Variants in EZR observed in about 807,000 individuals in gnomAD.
The protein encoded by EZR is cytovillin 2.
In EZR, 40 loss-of-function variants were observed where a neutral mutation model predicts 74.8. The observed-to-expected ratio is 0.53, with a 90% CI of 0.42 to 0.70. EZR has a LOEUF of 0.70. Ranked by LOEUF, EZR falls within the 30% of genes least tolerant of loss-of-function variation. The pLI is 0.00. For missense variants in EZR, 678 were observed against 755.8 expected (o/e 0.90, Z 1.21); for synonymous variants, 341 against 283.3 (o/e 1.20, Z -2.05).
chr6:158,804,590 A>G (rs1562505123), intron 2 of EZR, among the ~76,000 whole-genome samples: 1 of 152,186 alleles, frequency 6.6e-6, no homozygotes. Flanking sequence ...CACATAAACA[A>G]AAGTAAGGGA....
intron 3 of EZR, among the ~76,000 whole-genome samples, chr6:158,788,061 C>A (rs1791630481): frequency 6.6e-6 from 1 of 152,154 alleles, no homozygotes; most frequent in Non-Finnish European, 1.5e-5. Context: ...AATTTAAAAT[C>A]CCATGATATA....
At chr6:158,806,036 G>GC (rs1478229239) in intron 2 of EZR, among the ~76,000 whole-genome samples, 1 of 152,186 alleles carries the variant, frequency 6.6e-6, no homozygotes, top group African/African-American at 2.4e-5. Flanking sequence ...ATTCCTATGG[G>GC]CCCCCCAAAA....
chr6:158,771,157 A>G, intron 9 of EZR, 87 bp downstream of exon 9: 1 of 1,503,578 alleles, frequency 6.7e-7, no homozygotes, highest in Non-Finnish European at 8.9e-7. Flanking sequence ...TCTCCCCATC[A>G]GCTCCACAGT....
Position 158,792,622 on chromosome 6 carries a change from A to G in EZR, c.13-3251T>C, listed in dbSNP as rs563262425. 2.6e-5 allele frequency among the ~76,000 whole-genome samples: 4 copies of G among 152,110 alleles called. No homozygotes were observed. In the South Asian group the frequency reaches 8.3e-4, roughly 32 times the overall value. On this transcript the variant is annotated intron_variant, in intron 2 of 13. Coordinates refer to ENST00000367075, the MANE Select transcript of EZR (RefSeq NM_001111077.2). ...ATCACGAGGTCAGGAGATGGAGATC[A>G]TCCTGGCTAACACGATGAAACCCCA...
intron 2 of EZR, among the ~76,000 whole-genome samples, chr6:158,809,791 A>G (rs1427113231): frequency 1.3e-5 from 2 of 152,228 alleles, no homozygotes; most frequent in Non-Finnish European, 2.9e-5. Flanking sequence ...CCAGCCAGTA[A>G]GTATTTTAGG....
chr6:158,807,910 T>C (rs1777378420), intron 2 of EZR, among the ~76,000 whole-genome samples: 1 of 152,186 alleles, frequency 6.6e-6, no homozygotes, highest in South Asian at 2.1e-4. Flanking sequence ...TGGGACAATG[T>C]GCATTTCAGG....
chr6:158,765,936 A>G lies in EZR; in HGVS notation c.*978T>C, dbSNP rs1244214441. ...GACTGCAAACAAACAAACACAAGCA[A>G]ACAGAGTCTCTTCACAGCTGGAGTC... On this transcript the variant is annotated 3_prime_UTR_variant, in exon 14 of 14. Coordinates refer to ENST00000367075, the MANE Select transcript of EZR (RefSeq NM_001111077.2). 6.7e-6 allele frequency: 1 copy of G among 150,028 alleles called. No individual in the cohort carries two copies. Among genetic ancestry groups the G allele is most frequent in the Non-Finnish European group, 1.5e-5 (1 of 66,288 alleles). 9.3% of individuals were successfully genotyped at this position (150,028 alleles called of 1,614,324 possible).
Position 158,804,172 on chromosome 6 carries a change from G to A in EZR, c.12+13910C>T, listed in dbSNP as rs111537092. Among the ~76,000 whole-genome samples the A allele has an allele frequency of 4.0e-3, 609 of 151,972 alleles. 2 individuals are homozygous for A. The highest frequency in any genetic ancestry group is 0.014 in the African/African-American group (579 of 41,326). On this transcript the variant is annotated intron_variant, in intron 2 of 13. Transcript: ENST00000367075. The stretch of plus-strand genomic sequence containing the variant: ...TAGTTTTTAAGGCCCTTTTTGGTGA[G>A]TGTCTCTAATTAAGAACCAACTTCT...
At chr6:158,805,149 T>G (rs1777306991) in intron 2 of EZR, among the ~76,000 whole-genome samples, 1 of 151,952 alleles carries the variant, frequency 6.6e-6, no homozygotes, top group Non-Finnish European at 1.5e-5. Flanking sequence ...AAGACCATCC[T>G]GGCCAACATG....
chr6:158,795,650 G>T (rs1239080097), intron 2 of EZR, among the ~76,000 whole-genome samples: 1 of 152,170 alleles, frequency 6.6e-6, no homozygotes, highest in Non-Finnish European at 1.5e-5. Flanking sequence ...AGAGGCATTA[G>T]CCCTTCCTAT....
chr6:158,781,141 G>T (rs142767814), intron 7 of EZR, among the ~76,000 whole-genome samples: 189 of 152,204 alleles, frequency 1.2e-3, no homozygotes, highest in Non-Finnish European at 2.1e-3. Flanking sequence ...AGGTAACAGC[G>T]CAACAGCTGG....
In EZR at chr6:158,777,784, G is replaced by A. The variant is rs547907298; in HGVS notation, c.699-1280C>T. Among the ~76,000 whole-genome samples, 7 of 152,264 alleles carry A rather than the reference G, an allele frequency of 4.6e-5. No homozygotes were observed. The East Asian group carries it at 1.4e-3, about 29-fold the overall frequency. ...CTGACATGGCCCTTCTGGGGAATTAGCGCAGTCAGTCATGGTGTGCCTGCA... is the reference window on the plus strand; with the variant it reads ...CTGACATGGCCCTTCTGGGGAATTAACGCAGTCAGTCATGGTGTGCCTGCA... On this transcript the variant is annotated intron_variant, in intron 7 of 13. Coordinates refer to ENST00000367075, the MANE Select transcript of EZR (RefSeq NM_001111077.2).
chr6:158,784,596 G>A (rs1390144994), intron 6 of EZR, 48 bp downstream of exon 6: 3 of 1,501,810 alleles, frequency 2.0e-6, no homozygotes, highest in Non-Finnish European at 2.8e-6. Context: ...AAGACATGCT[G>A]GAGCGCACGG....
intron 2 of EZR, among the ~76,000 whole-genome samples, chr6:158,793,861 TAAA>T (rs1302475873): frequency 1.3e-5 from 2 of 152,196 alleles, no homozygotes; most frequent in African/African-American, 4.8e-5. Context: ...ATGTTATAGA[TAAA>T]ATAATGTGCT....
chr6:158,814,838 G>A (rs370213623), intron 2 of EZR, among the ~76,000 whole-genome samples: 10 of 152,258 alleles, frequency 6.6e-5, no homozygotes, highest in East Asian at 5.8e-4. Context: ...ACTGTGTACC[G>A]CCTCAGTCTT....
intron 12 of EZR, among the ~76,000 whole-genome samples, chr6:158,768,833 A>G (rs1419958140): frequency 6.6e-6 from 1 of 152,190 alleles, no homozygotes; most frequent in Non-Finnish European, 1.5e-5. Context: ...CTAGCCCCCA[A>G]ATAGCTGATG....
intron 2 of EZR, among the ~76,000 whole-genome samples, chr6:158,805,320 C>CAG (rs1554275062): frequency 2.9e-5 from 4 of 136,360 alleles, no homozygotes; most frequent in African/African-American, 1.1e-4. Context: ...AGCCTGGTGA[C>CAG]AGAGACTCCA....
rs190308754 is a variant in EZR, at chr6:158,796,512, G to C, written c.13-7141C>G. On this transcript the variant is annotated intron_variant, in intron 2 of 13. Coordinates refer to ENST00000367075, the MANE Select transcript of EZR (RefSeq NM_001111077.2). Reference sequence around the variant, plus strand: ...TGGCTGGAGACCATTTAATCTGTGAGCATCTTCCAGCTCGATCATTCTATG... The same window carrying C: ...TGGCTGGAGACCATTTAATCTGTGACCATCTTCCAGCTCGATCATTCTATG... Among the ~76,000 whole-genome samples the C allele has an allele frequency of 3.4e-3, 518 of 152,306 alleles. 2 individuals carry two copies. Among genetic ancestry groups the C allele is most frequent in the Non-Finnish European group, 4.6e-3 (312 of 68,024 alleles).
chr6:158,813,022 T>G (rs1777480586), intron 2 of EZR, among the ~76,000 whole-genome samples: 1 of 152,202 alleles, frequency 6.6e-6, no homozygotes, highest in Admixed American at 6.5e-5. Flanking sequence ...CTATTACAGA[T>G]CACAGTCAAC....
Sources: allele counts gnomAD v4.1 joint callset (sites outside exome capture counted in the v4.1 genomes callset), GRCh38; gene constraint gnomAD v4.1.1; transcripts MANE v1.5; gene names NCBI Gene and HGNC (gene_info 2026-07-23, HGNC 2026-07-21).